IMMP2L: variants seen among roughly 807,000 people sequenced by gnomAD.
IMMP2L encodes inner mitochondrial membrane peptidase subunit 2, also known as mitochondrial inner membrane protease subunit 2.
Under a neutral mutation model 19.3 loss-of-function variants are expected in IMMP2L, and 18 were observed. That is an observed-to-expected ratio of 0.93 (90% CI 0.64 to 1.38). IMMP2L has a LOEUF of 1.38. Ranked by LOEUF, IMMP2L falls within the 40% of genes most tolerant of loss-of-function variation. The pLI is 0.00. For missense variants in IMMP2L, 233 were observed against 218.2 expected, an observed-to-expected ratio of 1.07 and a Z score of -0.43; for synonymous variants, 76 against 73.0, an observed-to-expected ratio of 1.04 and a Z score of -0.21.
chr7:111,293,719 A>G lies in IMMP2L; in HGVS notation c.239+193519T>C, dbSNP rs148775558. The stretch of plus-strand genomic sequence containing the variant: ...GTGAATAAATAAGAGGAGAGCTAAC[A>G]TGCAATTTCTTCCATACACCAGGTG... On this transcript the variant is annotated intron_variant, in intron 3 of 5. Coordinates refer to ENST00000405709, the MANE Select transcript of IMMP2L (RefSeq NM_032549.4). Among the ~76,000 whole-genome samples the G allele has an allele frequency of 2.8e-4, 42 of 152,072 alleles. 1 individual carries two copies. The East Asian group carries it at 6.2e-3, about 22-fold the overall frequency.
chr7:110,802,325 GTGTGTA>G (rs1050493011), intron 5 of IMMP2L, among the ~76,000 whole-genome samples: 2 of 66,786 alleles, frequency 3.0e-5, no homozygotes, highest in Admixed American at 2.0e-4. Context: ...ATGTGTGTAT[GTGTGTA>G]TGTGTGTGTG....
rs187741912 is a variant in IMMP2L at position 110,739,280 on chromosome 7, T to C, written c.409-75559A>G. Among the ~76,000 whole-genome samples, 96 of 152,226 alleles carry C rather than the reference T, an allele frequency of 6.3e-4. No homozygotes were observed. The East Asian group carries it at 9.5e-3, about 15-fold the overall frequency. ...AAAAGATACAGAATGGCAGAATGTA[T>C]AAGAATTCACCAACCAAGTTTCTGC... On this transcript the variant is annotated intron_variant, in intron 5 of 5. Transcript: ENST00000405709.
intron 3 of IMMP2L, among the ~76,000 whole-genome samples, chr7:111,240,793 T>A (rs527500527): frequency 4.6e-5 from 7 of 152,032 alleles, no homozygotes; most frequent in Admixed American, 1.3e-4. Context: ...ACTAGTCTGG[T>A]GTCAGAAAAA....
chr7:110,744,545 G>A (rs1448845448), intron 5 of IMMP2L, among the ~76,000 whole-genome samples: 2 of 152,216 alleles, frequency 1.3e-5, no homozygotes, highest in Admixed American at 6.5e-5. Flanking sequence ...AGCTTCCAGA[G>A]GATAGAATAG....
intron 3 of IMMP2L, among the ~76,000 whole-genome samples, chr7:111,422,383 C>A (rs1835650881): frequency 2.0e-5 from 3 of 151,754 alleles, no homozygotes; most frequent in Admixed American, 1.3e-4. Context: ...TTGTTTCTGT[C>A]CTCTTCTATT....
intron 2 of IMMP2L, among the ~76,000 whole-genome samples, chr7:111,500,734 A>T (rs550665929): frequency 2.0e-5 from 3 of 152,282 alleles, no homozygotes; most frequent in Admixed American, 2.0e-4. Context: ...GACATCTAGC[A>T]AACTCCAACA....
At chr7:111,142,591 C>T (rs2129599084) in intron 3 of IMMP2L, among the ~76,000 whole-genome samples, 1 of 152,178 alleles carries the variant, frequency 6.6e-6, no homozygotes, top group African/African-American at 2.4e-5. Context: ...CGTGAATTTA[C>T]AGGGATTCAG....
chr7:111,232,797 G>A (rs997395644), intron 3 of IMMP2L, among the ~76,000 whole-genome samples: 3 of 151,960 alleles, frequency 2.0e-5, no homozygotes, highest in Non-Finnish European at 4.4e-5. Flanking sequence ...GCTTATCTCT[G>A]CTACCTTTAC....
chr7:111,368,498 C>T (rs1488744584), intron 3 of IMMP2L, among the ~76,000 whole-genome samples: 1 of 151,922 alleles, frequency 6.6e-6, no homozygotes, highest in Non-Finnish European at 1.5e-5. Context: ...TTTACGCCAG[C>T]AACACAGCCT....
intron 3 of IMMP2L, among the ~76,000 whole-genome samples, chr7:111,188,523 C>A (rs1808517315): frequency 6.6e-6 from 1 of 151,936 alleles, no homozygotes; most frequent in Non-Finnish European, 1.5e-5. Context: ...CCAAAGGCTC[C>A]ACCTCCTAAT....
At chr7:111,544,465 A>G (rs1012405742) in intron 1 of IMMP2L, among the ~76,000 whole-genome samples, 1 of 152,208 alleles carries the variant, frequency 6.6e-6, no homozygotes, top group Non-Finnish European at 1.5e-5. Context: ...CAAAGAGAGA[A>G]AGAGCAAAGT....
intron 2 of IMMP2L, among the ~76,000 whole-genome samples, chr7:111,504,033 C>A (rs1476319209): frequency 6.6e-6 from 1 of 152,082 alleles, no homozygotes. Context: ...GTCAAATTGT[C>A]CCTGTTTGCA....
chr7:111,331,155 C>G lies in IMMP2L; in HGVS notation c.239+156083G>C, dbSNP rs77442505. Among the ~76,000 whole-genome samples, 1,460 of 151,844 alleles carry G rather than the reference C, an allele frequency of 9.6e-3. 17 individuals carry two copies. Among genetic ancestry groups the G allele is most frequent in the East Asian group, 0.058 (300 of 5,158 alleles). On this transcript the variant is annotated intron_variant, in intron 3 of 5. Transcript: ENST00000405709. ...TGTTTATTGCAGCACTATTCACCAT[C>G]GCTAAGTTATGGAATCAACCTAAGT... is the stretch of plus-strand genomic sequence containing the variant.
At chr7:110,936,261 C>T (rs1221125731) in intron 4 of IMMP2L, among the ~76,000 whole-genome samples, 1 of 152,078 alleles carries the variant, frequency 6.6e-6, no homozygotes. Context: ...AGTGAACAGG[C>T]AACCTACAGA....
chr7:110,792,143 A>G (rs1247677596), intron 5 of IMMP2L, among the ~76,000 whole-genome samples: 2 of 151,768 alleles, frequency 1.3e-5, no homozygotes, highest in African/African-American at 4.9e-5. Context: ...GCTGGTGGCT[A>G]TTGGGCACAG....
At chr7:110,882,287 G>GCCTGCCTGCCTGCCTT (rs1387853201) in intron 5 of IMMP2L, among the ~76,000 whole-genome samples, 1 of 122,068 alleles carries the variant, frequency 8.2e-6, no homozygotes, top group African/African-American at 3.3e-5. Context: ...TTTGTCAAGT[G>GCCTGCCTGCCTGCCTT]CCTTCCTTCC....
chr7:110,833,262 A>C (rs778077328), intron 5 of IMMP2L, among the ~76,000 whole-genome samples: 4 of 151,926 alleles, frequency 2.6e-5, no homozygotes, highest in African/African-American at 4.8e-5. Context: ...AACATGGTGA[A>C]ATCCTATCTC....
chr7:111,296,338 C>T (rs1368168298), intron 3 of IMMP2L, among the ~76,000 whole-genome samples: 3 of 151,664 alleles, frequency 2.0e-5, no homozygotes, highest in East Asian at 3.9e-4. Flanking sequence ...GAAATTAAAA[C>T]GACTAAAGTT....
chr7:111,285,285 G>C lies in IMMP2L; in HGVS notation c.239+201953C>G, dbSNP rs1291527084. Among the ~76,000 whole-genome samples, 8 of 152,188 alleles carry C rather than the reference G, an allele frequency of 5.3e-5. No homozygotes were observed. In the South Asian group the frequency reaches 1.2e-3, roughly 24 times the overall value. ...CAAAATCGTATGATCATCTAAGCAG[G>C]ACACCCTGTGAGGAAAACAAAAACA... is the stretch of plus-strand genomic sequence containing the variant. On this transcript the variant is annotated intron_variant, in intron 3 of 5. Coordinates refer to ENST00000405709, the MANE Select transcript of IMMP2L (RefSeq NM_032549.4).
Sources: allele counts gnomAD v4.1 joint callset (sites outside exome capture counted in the v4.1 genomes callset), GRCh38; gene constraint gnomAD v4.1.1; transcripts MANE v1.5; gene names NCBI Gene and HGNC (gene_info 2026-07-23, HGNC 2026-07-21).